NDST3: variants seen among roughly 807,000 people sequenced by gnomAD.
The protein encoded by NDST3 is N-deacetylase and N-sulfotransferase 3.
In NDST3, 58 loss-of-function variants were observed where a neutral mutation model predicts 96.1. The observed-to-expected ratio is 0.60, with a 90% CI of 0.49 to 0.75. The LOEUF (loss-of-function observed/expected upper bound fraction) is 0.75. Among genes scored for constraint, NDST3 ranks in the 30% least tolerant of loss-of-function variants. NDST3 has a pLI of 0.00. For synonymous variants in NDST3, 333 were observed against 359.7 expected, an observed-to-expected ratio of 0.93 and a Z score of 0.84; for missense variants, 788 against 1,034.2, an observed-to-expected ratio of 0.76 and a Z score of 3.27.
At chr4:118,181,473 A>G (rs1326005566) in intron 6 of NDST3, among the ~76,000 whole-genome samples, 1 of 152,132 alleles carries the variant, frequency 6.6e-6, no homozygotes, top group Non-Finnish European at 1.5e-5. Flanking sequence ...AAGGAAGCAA[A>G]CAGAAGGGCT....
chr4:118,107,262 C>G (rs2125854157), intron 3 of NDST3, among the ~76,000 whole-genome samples: 1 of 152,176 alleles, frequency 6.6e-6, no homozygotes, highest in East Asian at 1.9e-4. Flanking sequence ...AGAAATCACT[C>G]TAAATATTGA....
chr4:118,123,690 A>G (rs973287281), intron 4 of NDST3, among the ~76,000 whole-genome samples: 1 of 152,158 alleles, frequency 6.6e-6, no homozygotes, highest in African/African-American at 2.4e-5. Flanking sequence ...CGCATCCTTT[A>G]GTGCTATGTT....
intron 6 of NDST3, among the ~76,000 whole-genome samples, chr4:118,200,447 G>C (rs776776892): frequency 5.3e-5 from 8 of 152,156 alleles, no homozygotes; most frequent in Non-Finnish European, 1.0e-4. Flanking sequence ...CTTTAGAGCA[G>C]TGAGGTCCCT....
chr4:118,126,088 G>A (rs1440793395), intron 4 of NDST3, among the ~76,000 whole-genome samples: 2 of 152,034 alleles, frequency 1.3e-5, no homozygotes, highest in African/African-American at 4.8e-5. Context: ...TTGTGGTGTA[G>A]CCCATCAGTG....
intron 1 of NDST3, among the ~76,000 whole-genome samples, chr4:118,045,466 C>T (rs1467385260): frequency 6.6e-6 from 1 of 152,104 alleles, no homozygotes; most frequent in Admixed American, 6.5e-5. Flanking sequence ...ATGAGAGCTA[C>T]CCCATAAATG....
chr4:118,144,064 T>A (rs928359589), intron 6 of NDST3, among the ~76,000 whole-genome samples: 1 of 152,188 alleles, frequency 6.6e-6, no homozygotes, highest in Non-Finnish European at 1.5e-5. Flanking sequence ...CTATTTAAAG[T>A]TAACGTAGAA....
At chr4:118,236,670 C>T (rs957332673) in intron 9 of NDST3, among the ~76,000 whole-genome samples, 8 of 152,200 alleles carry the variant, frequency 5.3e-5, no homozygotes, top group East Asian at 3.9e-4. Flanking sequence ...CTGAACATAT[C>T]GTCTGTTTTA....
intron 4 of NDST3, among the ~76,000 whole-genome samples, chr4:118,126,814 C>T (rs11724386): frequency 0.046 from 6,974 of 151,992 alleles, 260 homozygotes; most frequent in Non-Finnish European, 0.072. Flanking sequence ...CCACCAACAG[C>T]GTATAACGGT....
chr4:118,146,990 G>A (rs2125910827), intron 6 of NDST3, among the ~76,000 whole-genome samples: 1 of 152,220 alleles, frequency 6.6e-6, no homozygotes, highest in South Asian at 2.1e-4. Context: ...TGTACTCTCT[G>A]GGACAATAAT....
intron 1 of NDST3, among the ~76,000 whole-genome samples, chr4:118,047,775 T>C (rs974610316): frequency 2.0e-5 from 3 of 152,220 alleles, no homozygotes; most frequent in Admixed American, 6.5e-5. Context: ...TTATGATTCA[T>C]TGGCATTCTT....
At chr4:118,203,430 A>G (rs1738225779) in intron 6 of NDST3, among the ~76,000 whole-genome samples, 1 of 152,174 alleles carries the variant, frequency 6.6e-6, no homozygotes, top group Non-Finnish European at 1.5e-5. Context: ...CTGTGAATCC[A>G]TCTGAGCCAG....
intron 6 of NDST3, among the ~76,000 whole-genome samples, chr4:118,164,475 T>TGTAA (rs112951339): frequency 0.073 from 11,152 of 152,150 alleles, 902 homozygotes; most frequent in African/African-American, 0.2. Flanking sequence ...AAGCTGCACG[T>TGTAA]GTAACCCTGA....
At chr4:118,107,845 G>A (rs372444117) in intron 3 of NDST3, among the ~76,000 whole-genome samples, 2 of 152,162 alleles carry the variant, frequency 1.3e-5, no homozygotes, top group South Asian at 2.1e-4. Flanking sequence ...ATATCTGTGG[G>A]AGAATTCATA....
In NDST3 at chr4:118,066,284, TATATATTA is replaced by T; in HGVS notation, c.981+11394_981+11401del. On this transcript the variant is annotated intron_variant, in intron 2 of 13. Transcript: ENST00000296499. ...TATATATTATATATATTATATATTA[TATATATTA>T]TATATATTATGTATTATATATATTA... 1.7e-4 allele frequency among the ~76,000 whole-genome samples: 2 copies of T among 11,876 alleles called. 1 individual carries two copies. Among genetic ancestry groups the T allele is most frequent in the Non-Finnish European group, 8.1e-4 (2 of 2,474 alleles). 7.8% of individuals were successfully genotyped at this position (11,876 alleles called of 152,430 possible).
chr4:118,255,525 C>T (rs1252103683), intron 13 of NDST3, 68 bp from the exon 14 acceptor site: 32 of 1,448,212 alleles, frequency 2.2e-5, no homozygotes, highest in East Asian at 9.5e-5. Flanking sequence ...CTTATTTCAA[C>T]GTAGTCAAAG....
chr4:118,157,671 C>T (rs1303989217), intron 6 of NDST3, among the ~76,000 whole-genome samples: 4 of 152,104 alleles, frequency 2.6e-5, no homozygotes, highest in African/African-American at 9.7e-5. Flanking sequence ...ATCCACCCAC[C>T]TCAACCTCCT....
intron 12 of NDST3, among the ~76,000 whole-genome samples, chr4:118,247,254 A>G (rs1741377844): frequency 6.6e-6 from 1 of 151,200 alleles, no homozygotes; most frequent in African/African-American, 2.4e-5. Flanking sequence ...ATGTAGAGTT[A>G]GAAAAGGTTT....
At chr4:118,168,488 G>C (rs921148622) in intron 6 of NDST3, among the ~76,000 whole-genome samples, 1 of 152,104 alleles carries the variant, frequency 6.6e-6, no homozygotes, top group Non-Finnish European at 1.5e-5. Flanking sequence ...GTGCTAGTGA[G>C]AATGTGGAGA....
chr4:118,105,480 A>G (rs566497154), intron 3 of NDST3, among the ~76,000 whole-genome samples: 18 of 152,318 alleles, frequency 1.2e-4, no homozygotes, highest in Non-Finnish European at 1.6e-4. Flanking sequence ...TCTCTCAAAG[A>G]AGAGTAGTAT....
Sources: allele counts gnomAD v4.1 joint callset (sites outside exome capture counted in the v4.1 genomes callset), GRCh38; gene constraint gnomAD v4.1.1; transcripts MANE v1.5; gene names NCBI Gene and HGNC (gene_info 2026-07-23, HGNC 2026-07-21).